Variants in ASTN2 observed in about 807,000 individuals in gnomAD.
ASTN2 encodes the protein astrotactin-2.
ASTN2 carries 54 observed loss-of-function variants against 139.8 expected under a neutral mutation model. The ratio of observed to expected loss-of-function variants is 0.39; its 90% CI spans 0.31 to 0.48. The LOEUF is 0.48. Among genes scored for constraint, ASTN2 ranks in the 20% least tolerant of loss-of-function variants. ASTN2 has a pLI of 0.95. For synonymous variants in ASTN2, 756 were observed against 719.5 expected (o/e 1.05, Z -0.81); for missense variants, 1,565 against 1,725.1 (o/e 0.91, Z 1.64).
At chr9:116,641,189 T>C (rs202202613) in intron 17 of ASTN2, among the ~76,000 whole-genome samples, 1 of 152,202 alleles carries the variant, frequency 6.6e-6, no homozygotes, top group Non-Finnish European at 1.5e-5. Flanking sequence ...TAGACAGAGA[T>C]GCCTGCTTTT....
intron 5 of ASTN2, among the ~76,000 whole-genome samples, chr9:117,072,774 A>G (rs1828169636): frequency 6.6e-6 from 1 of 152,214 alleles, no homozygotes; most frequent in African/African-American, 2.4e-5. Context: ...TATAGAATTT[A>G]AGTGGCTCCT....
intron 19 of ASTN2, among the ~76,000 whole-genome samples, chr9:116,591,776 TG>T (rs755929130): frequency 6.6e-6 from 1 of 152,244 alleles, no homozygotes; most frequent in Non-Finnish European, 1.5e-5. Flanking sequence ...AAGTGGGCTC[TG>T]TGAAGCTGGT....
Position 117,309,999 on chromosome 9 carries a change from C to T in ASTN2, c.443-18486G>A, listed in dbSNP as rs145104729. On this transcript the variant is annotated intron_variant, in intron 1 of 22. Coordinates refer to ENST00000313400, the MANE Select transcript of ASTN2 (RefSeq NM_001365068.1). ...AGCTGGTCCTGTCTTTGACACTTTT[C>T]CTTTCTGAGCCTGTTTCTTCATCTC... is the stretch of plus-strand genomic sequence containing the variant. Among the ~76,000 whole-genome samples the T allele has an allele frequency of 2.4e-3, 361 of 152,244 alleles. 2 individuals carry two copies. The highest frequency in any genetic ancestry group is 4.4e-3 in the South Asian group (21 of 4,818).
chr9:116,989,067 T>C (rs986168331), intron 7 of ASTN2, among the ~76,000 whole-genome samples: 4 of 152,114 alleles, frequency 2.6e-5, no homozygotes, highest in African/African-American at 9.7e-5. Flanking sequence ...ATACACAAAA[T>C]AAATTAAGCC....
At chr9:116,510,156 T>C (rs558256496) in intron 19 of ASTN2, among the ~76,000 whole-genome samples, 1 of 152,352 alleles carries the variant, frequency 6.6e-6, no homozygotes, top group African/African-American at 2.4e-5. Flanking sequence ...CATTTAAGTC[T>C]TTAATCCATC....
intron 19 of ASTN2, among the ~76,000 whole-genome samples, chr9:116,593,602 C>A (rs577297048): frequency 6.6e-6 from 1 of 152,330 alleles, no homozygotes; most frequent in East Asian, 1.9e-4. Flanking sequence ...CCATTCTTAA[C>A]TGAGAATGAG....
rs139853274 is a variant in ASTN2 at position 116,911,850 on chromosome 9, G to A, written c.1890-48117C>T. 3.9e-3 allele frequency among the ~76,000 whole-genome samples: 599 copies of A among 152,194 alleles called. 2 individuals carry two copies. Among genetic ancestry groups the A allele is most frequent in the African/African-American group, 0.014 (578 of 41,524 alleles). On this transcript the variant is annotated intron_variant, in intron 10 of 22. Coordinates refer to ENST00000313400, the MANE Select transcript of ASTN2 (RefSeq NM_001365068.1). ...GGAGCTTGCAGTGAGCCAAGATTGCGCCACTGCACTCCAGCCTGGGCAGCA... is the reference window on the plus strand; with the variant it reads ...GGAGCTTGCAGTGAGCCAAGATTGCACCACTGCACTCCAGCCTGGGCAGCA...
intron 3 of ASTN2, among the ~76,000 whole-genome samples, chr9:117,143,816 G>GGA (rs1554782678): frequency 1.4e-5 from 2 of 146,954 alleles, no homozygotes; most frequent in Non-Finnish European, 3.0e-5. Context: ...AAGAGAGAGA[G>GGA]AAAAAAAAAA....
intron 1 of ASTN2, among the ~76,000 whole-genome samples, chr9:117,375,937 G>A (rs1202056944): frequency 2.0e-5 from 3 of 151,936 alleles, no homozygotes; most frequent in African/African-American, 7.3e-5. Context: ...AAGCCCTCAA[G>A]TCTCTCTGTA....
intron 11 of ASTN2, among the ~76,000 whole-genome samples, chr9:116,862,884 C>T (rs1215046129): frequency 1.3e-5 from 2 of 151,692 alleles, no homozygotes; most frequent in Non-Finnish European, 2.9e-5. Flanking sequence ...AATCTCCTCT[C>T]TAGAATAAAA....
chr9:116,973,621 G>A (rs1836270030), intron 10 of ASTN2, among the ~76,000 whole-genome samples: 1 of 152,160 alleles, frequency 6.6e-6, no homozygotes, highest in South Asian at 2.1e-4. Flanking sequence ...GTGTCTTTTT[G>A]AGAATAGTCT....
At chr9:117,340,367 A>G (rs1429995676) in intron 1 of ASTN2, among the ~76,000 whole-genome samples, 1 of 141,182 alleles carries the variant, frequency 7.1e-6, no homozygotes, top group East Asian at 2.1e-4. Context: ...AAAAAGTGTC[A>G]TGGAGAGGAG....
intron 16 of ASTN2, among the ~76,000 whole-genome samples, chr9:116,723,087 C>A (rs1471541946): frequency 6.6e-6 from 1 of 152,014 alleles, no homozygotes. Context: ...ATGGCGTGAA[C>A]CCGGAAAGCA....
intron 4 of ASTN2, among the ~76,000 whole-genome samples, chr9:117,138,720 G>A (rs1480605430): frequency 1.3e-5 from 2 of 152,136 alleles, no homozygotes; most frequent in African/African-American, 4.8e-5. Flanking sequence ...GGACAGATAT[G>A]GAAGAGATAC....
At chr9:116,899,665 G>T (rs888946540) in intron 10 of ASTN2, among the ~76,000 whole-genome samples, 1 of 152,104 alleles carries the variant, frequency 6.6e-6, no homozygotes, top group Admixed American at 6.6e-5. Context: ...TTGAAACAAA[G>T]ATAATAACAG....
At chr9:117,163,440 T>C (rs1485419543) in intron 3 of ASTN2, among the ~76,000 whole-genome samples, 1 of 152,080 alleles carries the variant, frequency 6.6e-6, no homozygotes, top group African/African-American at 2.4e-5. Context: ...TGATAGGAAA[T>C]AAGAGTAAAG....
intron 11 of ASTN2, among the ~76,000 whole-genome samples, chr9:116,827,828 C>CAA (rs1354330844): frequency 6.6e-6 from 1 of 152,218 alleles, no homozygotes. Context: ...AAACTAACAC[C>CAA]AATTTTCCTG....
At chr9:117,056,155 T>C (rs1264447050) in intron 5 of ASTN2, among the ~76,000 whole-genome samples, 1 of 152,218 alleles carries the variant, frequency 6.6e-6, no homozygotes, top group Non-Finnish European at 1.5e-5. Context: ...GCAGTCTCCT[T>C]CGAAGCCCTG....
intron 20 of ASTN2, among the ~76,000 whole-genome samples, chr9:116,483,244 C>A (rs1367769636): frequency 1.3e-5 from 2 of 152,166 alleles, no homozygotes; most frequent in African/African-American, 4.8e-5. Context: ...CATTCAAAAG[C>A]AAAACAAATG....
Sources: allele counts gnomAD v4.1 joint callset (sites outside exome capture counted in the v4.1 genomes callset), GRCh38; gene constraint gnomAD v4.1.1; transcripts MANE v1.5; gene names NCBI Gene and HGNC (gene_info 2026-07-23, HGNC 2026-07-21).